PTPRD: variants seen among roughly 807,000 people sequenced by gnomAD.
The protein encoded by PTPRD is protein tyrosine phosphatase receptor type D, also known as receptor-type tyrosine-protein phosphatase delta.
In PTPRD, 34 loss-of-function variants were observed where a neutral mutation model predicts 214.5. The observed-to-expected ratio is 0.16, with a 90% CI of 0.12 to 0.21. The LOEUF is 0.21. Ranked by LOEUF, PTPRD falls within the 10% of genes least tolerant of loss-of-function variation. The pLI is 1.00. For missense variants in PTPRD, 2,545 were observed against 2,398.7 expected (o/e 1.06, Z -1.27); for synonymous variants, 1,128 against 845.7 (o/e 1.33, Z -5.79).
chr9:9,227,929 T>C (rs958433184), intron 9 of PTPRD, among the ~76,000 whole-genome samples: 4 of 152,050 alleles, frequency 2.6e-5, no homozygotes, highest in African/African-American at 9.7e-5. Context: ...CCCACAGAAA[T>C]GATGAGATAA....
At chr9:8,708,643 C>T (rs1423656529) in intron 12 of PTPRD, among the ~76,000 whole-genome samples, 2 of 132,440 alleles carry the variant, frequency 1.5e-5, no homozygotes, top group African/African-American at 2.7e-5. Flanking sequence ...CGCACCAGTG[C>T]ACTCCAGCCT....
chr9:9,434,479 G>A (rs1235236577), intron 8 of PTPRD, among the ~76,000 whole-genome samples: 2 of 152,128 alleles, frequency 1.3e-5, no homozygotes, highest in Non-Finnish European at 2.9e-5. Flanking sequence ...CTATCAATAT[G>A]CCAATGACAA....
intron 8 of PTPRD, among the ~76,000 whole-genome samples, chr9:9,507,070 C>A (rs937246486): frequency 6.6e-5 from 10 of 151,168 alleles, no homozygotes; most frequent in African/African-American, 2.4e-4. Context: ...AATGGATGAA[C>A]AAATTATGTT....
At chr9:9,644,262 G>C (rs2096069462) in intron 7 of PTPRD, among the ~76,000 whole-genome samples, 1 of 152,114 alleles carries the variant, frequency 6.6e-6, no homozygotes, top group Admixed American at 6.6e-5. Flanking sequence ...GTTTCAAGTG[G>C]TGAGGGCAGG....
At position 8,733,663 on chromosome 9, in the gene PTPRD, G is replaced by A. The variant is rs1298646911; in HGVS notation, c.64+117C>T. 7 of 1,042,030 alleles carry A rather than the reference G, an allele frequency of 6.7e-6. No homozygotes were observed. The East Asian group carries it at 7.9e-5, about 12-fold the overall frequency. The allele number at this position is 1,042,030 out of a possible 1,614,324, so 64.5% of individuals were successfully genotyped here. ...GCTGGTAGCCAAGGAGGATCCCGCAGTGTCTCAGGATTTACTTCCAAAGGA... is the reference window on the plus strand; with the variant it reads ...GCTGGTAGCCAAGGAGGATCCCGCAATGTCTCAGGATTTACTTCCAAAGGA... On this transcript the variant is annotated intron_variant, in intron 12 of 45. Coordinates refer to ENST00000381196, the MANE Select transcript of PTPRD (RefSeq NM_002839.4).
intron 14 of PTPRD, among the ~76,000 whole-genome samples, chr9:8,570,354 C>T (rs1479302736): frequency 1.3e-5 from 2 of 152,104 alleles, no homozygotes; most frequent in Non-Finnish European, 2.9e-5. Context: ...AAGCCACCAC[C>T]TACTGTTAAA....
chr9:9,106,270 A>C (rs759113104), intron 10 of PTPRD, among the ~76,000 whole-genome samples: 1 of 152,140 alleles, frequency 6.6e-6, no homozygotes, highest in African/African-American at 2.4e-5. Flanking sequence ...GGAAGTACAC[A>C]GGATTTGGAA....
intron 4 of PTPRD, among the ~76,000 whole-genome samples, chr9:10,011,928 CTGGCCAGTGGTATTGTT>C: frequency 6.6e-6 from 1 of 152,074 alleles, no homozygotes; most frequent in South Asian, 2.1e-4. Context: ...TCCATTGTGT[CTGGCCAGTGGTATTGTT>C]TTGGCCTTTG....
intron 10 of PTPRD, among the ~76,000 whole-genome samples, chr9:9,096,300 T>C (rs2099783416): frequency 6.6e-6 from 1 of 152,204 alleles, no homozygotes; most frequent in African/African-American, 2.4e-5. Context: ...CTTTTTACTA[T>C]CTATAAGTAT....
chr9:9,554,696 A>C (rs1937073774), intron 8 of PTPRD, among the ~76,000 whole-genome samples: 1 of 152,008 alleles, frequency 6.6e-6, no homozygotes. Flanking sequence ...AATGAATAAG[A>C]ATCTCTACAC....
At chr9:8,420,821 A>AG (rs942464458) in intron 35 of PTPRD, among the ~76,000 whole-genome samples, 7 of 114,610 alleles carry the variant, frequency 6.1e-5, no homozygotes, top group South Asian at 7.3e-4. Flanking sequence ...TTTTTTTTAA[A>AG]AAAAGAAAAT....
intron 11 of PTPRD, among the ~76,000 whole-genome samples, chr9:8,948,531 TTATATATATATTTA>T (rs1567184280): frequency 3.3e-5 from 1 of 30,076 alleles, no homozygotes; most frequent in Non-Finnish European, 7.4e-5. Context: ...ATATATATAT[TTATATATATATTTA>T]TATATATTTA....
At chr9:9,907,868 A>G (rs1183438215) in intron 5 of PTPRD, among the ~76,000 whole-genome samples, 1 of 152,038 alleles carries the variant, frequency 6.6e-6, no homozygotes, top group Non-Finnish European at 1.5e-5. Flanking sequence ...TCATACCAGT[A>G]ACATGTATTA....
intron 3 of PTPRD, among the ~76,000 whole-genome samples, chr9:10,182,469 T>A (rs192598633): frequency 3.4e-4 from 52 of 152,062 alleles, no homozygotes; most frequent in African/African-American, 1.3e-3. Flanking sequence ...AAAAATATGA[T>A]AAGTATAACA....
At chr9:8,339,330 T>C (rs1044383216) in intron 42 of PTPRD, among the ~76,000 whole-genome samples, 1 of 152,132 alleles carries the variant, frequency 6.6e-6, no homozygotes, top group African/African-American at 2.4e-5. Flanking sequence ...AATACTTTCA[T>C]AGGGTAAGCA....
intron 2 of PTPRD, among the ~76,000 whole-genome samples, chr9:10,611,908 C>A (rs923745821): frequency 6.7e-6 from 1 of 148,832 alleles, no homozygotes; most frequent in Non-Finnish European, 1.5e-5. Flanking sequence ...CTTTTCCGCC[C>A]CCCCCCCCTT....
intron 11 of PTPRD, among the ~76,000 whole-genome samples, chr9:8,843,207 A>C (rs10977318): frequency 0.14 from 20,947 of 152,192 alleles, 1,563 homozygotes; most frequent in African/African-American, 0.18. Context: ...TTGTTCCTTT[A>C]TTTGATTTCC....
chr9:10,479,915 G>C (rs765889159), intron 2 of PTPRD, among the ~76,000 whole-genome samples: 1 of 152,042 alleles, frequency 6.6e-6, no homozygotes. Context: ...GTTATTGCAG[G>C]GATGTTAAAG....
At position 8,845,292 on chromosome 9, in the gene PTPRD, T is replaced by C. The variant is rs549042037; in HGVS notation, c.-103-111346A>G. Among the ~76,000 whole-genome samples, 3 of 152,326 alleles carry C rather than the reference T, an allele frequency of 2.0e-5. No homozygotes were observed. The South Asian group carries it at 6.2e-4, about 32-fold the overall frequency. On this transcript the variant is annotated intron_variant, in intron 11 of 45. Coordinates refer to ENST00000381196, the MANE Select transcript of PTPRD (RefSeq NM_002839.4). ...GCCAGTTGTCAAGAGGTTATCTCCT[T>C]TGATGGCAAAGCTTTCCTTCAGTCA...
Sources: allele counts gnomAD v4.1 joint callset (sites outside exome capture counted in the v4.1 genomes callset), GRCh38; gene constraint gnomAD v4.1.1; transcripts MANE v1.5; gene names NCBI Gene and HGNC (gene_info 2026-07-23, HGNC 2026-07-21).